The following UBAP2 variants were observed in gnomAD, a reference collection of about 807,000 sequenced individuals.
The protein encoded by UBAP2 is ubiquitin associated protein 2, also known as ubiquitin-associated protein 2.
In UBAP2, 75 loss-of-function variants were observed where a neutral mutation model predicts 139.6. The observed-to-expected ratio is 0.54, with a 90% CI of 0.45 to 0.65. The LOEUF is 0.65. Among genes scored for constraint, UBAP2 ranks in the 30% least tolerant of loss-of-function variants. The pLI is 0.00. For synonymous variants in UBAP2, 526 were observed against 526.2 expected, an observed-to-expected ratio of 1.00 and a Z score of 0.01; for missense variants, 1,368 against 1,369.6, an observed-to-expected ratio of 1.00 and a Z score of 0.02.
At position 33,944,515 on chromosome 9, in the gene UBAP2, A is replaced by C; in HGVS notation, c.1395T>G (p.Leu465=). ...GLESFPSQAK[L]RESTPGDSPS... ...GACTGTCTCCAGGTGTTGATTCTCGAAGTTTTGCCTGGGAAGGAAAGGACT... is the reference window on the plus strand; with the variant it reads ...GACTGTCTCCAGGTGTTGATTCTCGCAGTTTTGCCTGGGAAGGAAAGGACT... The change falls in exon 14 of 29, where the codon CTT becomes CTG. Residue 465 remains leucine, a synonymous_variant. Transcript: ENST00000379238. 1.2e-6 allele frequency: 2 copies of C among 1,613,968 alleles called. No individual in the cohort carries two copies. Among genetic ancestry groups the C allele is most frequent in the Non-Finnish European group, 1.7e-6 (2 of 1,180,020 alleles).
At chr9:33,945,657 G>C (rs904186320) in intron 13 of UBAP2, among the ~76,000 whole-genome samples, 2 of 151,988 alleles carry the variant, frequency 1.3e-5, no homozygotes, top group Non-Finnish European at 2.9e-5. Flanking sequence ...AATATATATA[G>C]ACAGACAGAC....
chr9:33,948,480 AAACTGGCCCAAACTCGGAGCTTTC>A lies in UBAP2; in HGVS notation c.1140_1163del (p.Leu380_Gln387del). The A allele has an allele frequency of 6.2e-7, 1 of 1,614,162 alleles. No homozygotes were observed. The highest frequency in any genetic ancestry group is 8.5e-7 in the Non-Finnish European group (1 of 1,180,024). On this transcript the variant is annotated inframe_deletion, in exon 13 of 29. Transcript: ENST00000379238. ...TCTGCTGTGTACTTGGGGTGGTGGTAAACTGGCCCAAACTCGGAGCTTTCAACTGGTCCAAAATCTGGGAGCTGG... is the reference window on the plus strand; with the variant it reads ...TCTGCTGTGTACTTGGGGTGGTGGTAAACTGGTCCAAAATCTGGGAGCTGG...
intron 1 of UBAP2, among the ~76,000 whole-genome samples, chr9:34,030,038 C>T (rs189999862): frequency 2.0e-5 from 3 of 151,686 alleles, no homozygotes; most frequent in African/African-American, 4.8e-5. Context: ...CGGTGGCTCA[C>T]GCCTGTAATC....
chr9:34,048,620 G>T (rs1001641688), intron 1 of UBAP2, among the ~76,000 whole-genome samples: 4 of 152,172 alleles, frequency 2.6e-5, no homozygotes, highest in Non-Finnish European at 5.9e-5. Flanking sequence ...GGCAACGTGA[G>T]GGGAAGAGGA....
intron 1 of UBAP2, among the ~76,000 whole-genome samples, chr9:34,023,914 C>T (rs535551274): frequency 6.6e-6 from 1 of 152,158 alleles, no homozygotes; most frequent in Non-Finnish European, 1.5e-5. Flanking sequence ...CATGGTGGCA[C>T]GCACCTGTAG....
chr9:34,012,876 C>T (rs1823882605), intron 2 of UBAP2, among the ~76,000 whole-genome samples: 1 of 150,612 alleles, frequency 6.6e-6, no homozygotes, highest in Non-Finnish European at 1.5e-5. Flanking sequence ...CACGGTCAGG[C>T]CCAGGGGCTC....
intron 1 of UBAP2, among the ~76,000 whole-genome samples, chr9:34,033,862 A>G (rs1255593849): frequency 6.6e-6 from 1 of 151,892 alleles, no homozygotes; most frequent in Non-Finnish European, 1.5e-5. Flanking sequence ...CAGCCTCCCA[A>G]GTAGCTGGGA....
chr9:33,936,927 A>C (rs1243904291), intron 16 of UBAP2, among the ~76,000 whole-genome samples: 2 of 2,936 alleles, frequency 6.8e-4, no homozygotes, highest in East Asian at 6.8e-3. Flanking sequence ...ACTCCAGCTC[A>C]AAAAAAAAAA....
At chr9:33,956,327 T>C (rs866483278) in intron 10 of UBAP2, among the ~76,000 whole-genome samples, 181 bp from the exon 11 acceptor site, 6,101 of 151,856 alleles carry the variant, frequency 0.04, 186 homozygotes, top group Admixed American at 0.065. Flanking sequence ...ATTTTTTTTT[T>C]TTTTTTTTTG....
Position 33,995,962 on chromosome 9 carries a change from C to T in UBAP2, c.288+261G>A, listed in dbSNP as rs1587631677. The T allele has an allele frequency of 1.5e-5, 5 of 329,930 alleles. No individual in the cohort carries two copies. The East Asian group carries it at 3.1e-4, about 20-fold the overall frequency. 20.4% of individuals were successfully genotyped at this position (329,930 alleles called of 1,614,324 possible). A position where few individuals can be genotyped will look rare whatever the true frequency, so the allele number is the denominator to read the frequency against. On this transcript the variant is annotated intron_variant, in intron 4 of 28. Coordinates refer to ENST00000379238, the MANE Select transcript of UBAP2 (RefSeq NM_001370062.2). ...CAGGTGGGGGTGGTGAAAATATACA[C>T]AGGCACAGAGATTTTTGGAAACTGT...
intron 25 of UBAP2, 22 bp from the exon 26 acceptor site, chr9:33,923,315 G>A (rs1345438589): frequency 9.3e-6 from 15 of 1,614,014 alleles, no homozygotes; most frequent in East Asian, 2.2e-5. Context: ...GGGTACAAGA[G>A]GCAAGTGTGA....
At chr9:33,959,297 G>T (rs1182209532) in intron 10 of UBAP2, among the ~76,000 whole-genome samples, 1 of 152,172 alleles carries the variant, frequency 6.6e-6, no homozygotes, top group Non-Finnish European at 1.5e-5. Flanking sequence ...CCTGCCTAAG[G>T]TCATTAAACA....
chr9:33,986,894 C>T (rs992444292), intron 5 of UBAP2, 57 bp from the exon 6 acceptor site: 2 of 1,438,490 alleles, frequency 1.4e-6, no homozygotes, highest in Non-Finnish European at 9.8e-7. Flanking sequence ...TTGTACATAA[C>T]CTTATCAAGC....
intron 13 of UBAP2, among the ~76,000 whole-genome samples, chr9:33,947,674 A>C (rs578049764): frequency 6.6e-6 from 1 of 151,850 alleles, no homozygotes. Flanking sequence ...AATACAAAAA[A>C]ATCAGCCAGG....
chr9:33,955,575 T>C (rs2130986036), intron 11 of UBAP2, among the ~76,000 whole-genome samples: 1 of 151,724 alleles, frequency 6.6e-6, no homozygotes, highest in Admixed American at 6.6e-5. Flanking sequence ...ACATCTGTAA[T>C]CCCAGCACTT....
chr9:34,015,974 A>G (rs1034966054), intron 2 of UBAP2, among the ~76,000 whole-genome samples: 1 of 152,206 alleles, frequency 6.6e-6, no homozygotes, highest in African/African-American at 2.4e-5. Flanking sequence ...CAGCAAAGGC[A>G]GCTTTTTAAA....
intron 1 of UBAP2, among the ~76,000 whole-genome samples, chr9:34,043,920 G>A (rs1827321785): frequency 6.7e-6 from 1 of 149,924 alleles, no homozygotes; most frequent in Admixed American, 6.7e-5. Flanking sequence ...CTGAGGTCAG[G>A]AGTTCAAAAC....
intron 1 of UBAP2, 125 bp downstream of exon 1, chr9:34,048,700 G>C (rs1255259885): frequency 6.6e-6 from 1 of 152,302 alleles, no homozygotes; most frequent in Non-Finnish European, 1.5e-5. Context: ...CGGTCCTCAC[G>C]GGTGGGCGCC....
intron 8 of UBAP2, 130 bp downstream of exon 8, chr9:33,971,521 G>C: frequency 3.2e-6 from 2 of 628,412 alleles, no homozygotes; most frequent in South Asian, 3.8e-5. Context: ...AATAGTTTCA[G>C]AGGTAGGACA....
Sources: allele counts gnomAD v4.1 joint callset (sites outside exome capture counted in the v4.1 genomes callset), GRCh38; gene constraint gnomAD v4.1.1; transcripts MANE v1.5; gene names NCBI Gene and HGNC (gene_info 2026-07-23, HGNC 2026-07-21).